Variants in ZNF503 observed in about 807,000 individuals in gnomAD.
The protein encoded by ZNF503 is zinc finger protein 503, also known as NocA-like zinc finger 2.
ZNF503 carries 15 observed loss-of-function variants against 34.4 expected under a neutral mutation model. The observed-to-expected ratio is 0.44, with a 90% CI of 0.29 to 0.67. The LOEUF is 0.67. Among genes scored for constraint, ZNF503 ranks in the 30% least tolerant of loss-of-function variants. The probability of loss-of-function intolerance (pLI) is 0.13; values close to 1 mark genes in which losing one functional copy is unlikely to be tolerated. For missense variants in ZNF503, 1,007 were observed against 926.8 expected (o/e 1.09, Z -1.12); for synonymous variants, 580 against 456.8 (o/e 1.27, Z -3.44).
chr10:75,339,009 C>A, the ZNF503 span, among the ~76,000 whole-genome samples: 1 of 152,094 alleles, frequency 6.6e-6, no homozygotes, highest in Non-Finnish European at 1.5e-5. Context: ...GGGTGGATTG[C>A]TTGAGCTCAG....
At chr10:75,288,380 AGTTGGGCT>A in the ZNF503 span, 1 of 152,472 alleles carries the variant, frequency 6.6e-6, no homozygotes, top group Non-Finnish European at 1.5e-5. Flanking sequence ...AAGTCTGTGC[AGTTGGGCT>A]ACATGTCCAA....
the ZNF503 span, among the ~76,000 whole-genome samples, chr10:75,378,013 C>T: frequency 6.6e-6 from 1 of 151,974 alleles, no homozygotes; most frequent in Non-Finnish European, 1.5e-5. Context: ...GGAGGTTCCA[C>T]ACACTTTTAA....
chr10:75,296,948 C>T, the ZNF503 span, among the ~76,000 whole-genome samples: 29 of 152,262 alleles, frequency 1.9e-4, no homozygotes, highest in South Asian at 1.7e-3. Flanking sequence ...GTGATTCCTA[C>T]GGGAGTCAGT....
the ZNF503 span, among the ~76,000 whole-genome samples, chr10:75,355,937 GGCTGTCAGCT>G: frequency 6.6e-6 from 1 of 152,164 alleles, no homozygotes; most frequent in Non-Finnish European, 1.5e-5. Context: ...GGATGGGGCT[GGCTGTCAGCT>G]GAGACCTTAG....
the ZNF503 span, among the ~76,000 whole-genome samples, chr10:75,286,618 A>G: frequency 6.6e-6 from 1 of 152,180 alleles, no homozygotes; most frequent in Non-Finnish European, 1.5e-5. Flanking sequence ...ACCTGCTCGT[A>G]TGGGTGCTGT....
chr10:75,286,364 G>A, the ZNF503 span, among the ~76,000 whole-genome samples: 4 of 152,060 alleles, frequency 2.6e-5, no homozygotes, highest in African/African-American at 9.7e-5. Flanking sequence ...ATATAAGGCA[G>A]TTCCACTACA....
chr10:75,398,989 G>A lies in ZNF503; in HGVS notation c.1701C>T (p.Ala567=), dbSNP rs1345852864. Reference sequence around the variant, plus strand: ...GGATGTGCATGTGGCAAGCCATGGCGGCCGCGGCAGCGCTGGCCAGAGACG... The same window carrying A: ...GGATGTGCATGTGGCAAGCCATGGCAGCCGCGGCAGCGCTGGCCAGAGACG... ...SSSSLASAAA[A]AMACHMHIPT... Residue 567 remains alanine, a synonymous_variant, in exon 2 of 2, where the codon GCC becomes GCT. Coordinates refer to ENST00000372524, the MANE Select transcript of ZNF503 (RefSeq NM_032772.6). 3 of 1,605,782 alleles carry A rather than the reference G, an allele frequency of 1.9e-6. No individual in the cohort carries two copies. The highest frequency in any genetic ancestry group is 1.7e-6 in the Non-Finnish European group (2 of 1,179,274).
the ZNF503 span, among the ~76,000 whole-genome samples, chr10:75,280,555 C>CAT: frequency 1.4e-5 from 2 of 146,516 alleles, no homozygotes; most frequent in Admixed American, 1.4e-4. Context: ...GGTGTGTATG[C>CAT]GTGTGTGTGT....
chr10:75,356,770 C>G, the ZNF503 span, among the ~76,000 whole-genome samples: 1 of 152,158 alleles, frequency 6.6e-6, no homozygotes, highest in Non-Finnish European at 1.5e-5. Flanking sequence ...GATGAGAGAA[C>G]TTTGGGCTTA....
chr10:75,386,760 C>A, the ZNF503 span, among the ~76,000 whole-genome samples: 2 of 152,208 alleles, frequency 1.3e-5, no homozygotes, highest in Non-Finnish European at 2.9e-5. Flanking sequence ...TCCTGCTGGT[C>A]CTTCCTCCTG....
the ZNF503 span, among the ~76,000 whole-genome samples, chr10:75,296,150 T>C: frequency 6.6e-6 from 1 of 152,216 alleles, no homozygotes; most frequent in Admixed American, 6.5e-5. Flanking sequence ...CTAGGAGAGC[T>C]GTTTGACCCT....
the ZNF503 span, among the ~76,000 whole-genome samples, chr10:75,348,384 G>T: frequency 3.3e-5 from 5 of 151,684 alleles, no homozygotes; most frequent in Non-Finnish European, 5.9e-5. Context: ...TTTTTGGAGA[G>T]ACAAGGTTTC....
the ZNF503 span, among the ~76,000 whole-genome samples, chr10:75,284,410 G>C: frequency 1.3e-5 from 2 of 151,590 alleles, no homozygotes; most frequent in East Asian, 3.9e-4. Context: ...GCTCTGGAGA[G>C]TGGGGAAGGG....
At chr10:75,333,259 C>G in the ZNF503 span, among the ~76,000 whole-genome samples, 3 of 95,136 alleles carry the variant, frequency 3.2e-5, no homozygotes, top group African/African-American at 4.5e-5. Context: ...CCCTCCCGGA[C>G]GGGGCGGCTG....
At chr10:75,329,267 G>A in the ZNF503 span, among the ~76,000 whole-genome samples, 1 of 151,722 alleles carries the variant, frequency 6.6e-6, no homozygotes, top group African/African-American at 2.4e-5. Flanking sequence ...TTTGTATCCT[G>A]CAACTTTGCT....
In ZNF503 at chr10:75,401,116, T is replaced by G; in HGVS notation, c.304A>C (p.Ser102Arg). 1 of 1,613,486 alleles carries G rather than the reference T, an allele frequency of 6.2e-7. No homozygotes were observed. The highest frequency in any genetic ancestry group is 8.5e-7 in the Non-Finnish European group (1 of 1,179,830). ...YLQPLPSTPV[S>R]PIELDAKKSP... Reference sequence around the variant, plus strand: ...GAGAGGGTCCTTACCTCGATGGGGCTGACCGGCGTGGAAGGCAGGGGCTGC... The same window carrying G: ...GAGAGGGTCCTTACCTCGATGGGGCGGACCGGCGTGGAAGGCAGGGGCTGC... Residue 102 changes from serine (S) to arginine (R), a missense_variant, in exon 1 of 2, where the codon AGC becomes CGC. Transcript: ENST00000372524.
chr10:75,298,186 A>T, the ZNF503 span, among the ~76,000 whole-genome samples: 1 of 152,252 alleles, frequency 6.6e-6, no homozygotes, highest in African/African-American at 2.4e-5. Context: ...TTTTTTAAAA[A>T]TAATTTTACT....
At chr10:75,365,329 G>A in the ZNF503 span, among the ~76,000 whole-genome samples, 1 of 152,108 alleles carries the variant, frequency 6.6e-6, no homozygotes, top group African/African-American at 2.4e-5. Flanking sequence ...TGTATTTTTA[G>A]TAGAGACGGG....
At chr10:75,385,238 C>T in the ZNF503 span, among the ~76,000 whole-genome samples, 4 of 152,174 alleles carry the variant, frequency 2.6e-5, no homozygotes, top group Non-Finnish European at 5.9e-5. Flanking sequence ...AGGAAGGTCA[C>T]CGAGGTCACC....
Sources: allele counts gnomAD v4.1 joint callset (sites outside exome capture counted in the v4.1 genomes callset), GRCh38; gene constraint gnomAD v4.1.1; transcripts MANE v1.5; gene names NCBI Gene and HGNC (gene_info 2026-07-23, HGNC 2026-07-21).